ADGRB3: variants seen among roughly 807,000 people sequenced by gnomAD.
The protein encoded by ADGRB3 is brain-specific angiogenesis inhibitor 3.
ADGRB3 carries 37 observed loss-of-function variants against 193.4 expected under a neutral mutation model. The observed-to-expected ratio is 0.19, with a 90% CI of 0.15 to 0.25. ADGRB3 has a LOEUF of 0.25. ADGRB3 is among the 10% of genes least tolerant of loss of function. ADGRB3 has a pLI of 1.00. For synonymous variants in ADGRB3, 690 were observed against 644.2 expected (o/e 1.07, Z -1.08); for missense variants, 1,637 against 1,852.9 (o/e 0.88, Z 2.14).
chr6:68,675,145 C>A (rs189063574), intron 3 of ADGRB3, among the ~76,000 whole-genome samples: 1 of 152,252 alleles, frequency 6.6e-6, no homozygotes, highest in Non-Finnish European at 1.5e-5. Flanking sequence ...GTAATATTTT[C>A]TTCTGAACTC....
At chr6:69,039,742 CTTTT>C (rs34543678) in intron 13 of ADGRB3, among the ~76,000 whole-genome samples, 5 of 130,230 alleles carry the variant, frequency 3.8e-5, no homozygotes, top group South Asian at 2.4e-4. Flanking sequence ...TTGTTTTTTT[CTTTT>C]TTTTTTTTTT....
At chr6:68,670,181 G>A (rs562489562) in intron 3 of ADGRB3, among the ~76,000 whole-genome samples, 3 of 151,968 alleles carry the variant, frequency 2.0e-5, no homozygotes. Flanking sequence ...TCCCTTGTCA[G>A]ATGGGTAGTT....
intron 3 of ADGRB3, among the ~76,000 whole-genome samples, chr6:68,826,129 A>T (rs1248687831): frequency 4.6e-5 from 7 of 152,232 alleles, no homozygotes; most frequent in African/African-American, 1.7e-4. Context: ...AGCGAAACAG[A>T]CAAAACCTCC....
intron 3 of ADGRB3, among the ~76,000 whole-genome samples, chr6:68,755,526 G>A (rs1258466049): frequency 1.3e-5 from 2 of 152,140 alleles, no homozygotes; most frequent in East Asian, 1.9e-4. Context: ...GCCACCTGTC[G>A]AGAATGAAGT....
intron 3 of ADGRB3, among the ~76,000 whole-genome samples, chr6:68,736,414 T>C (rs1256635762): frequency 3.9e-5 from 6 of 152,308 alleles, no homozygotes; most frequent in Middle Eastern, 3.4e-3. Flanking sequence ...ACTCTACTTA[T>C]CTGCAATTGC....
intron 3 of ADGRB3, among the ~76,000 whole-genome samples, chr6:68,674,861 C>T (rs985041065): frequency 3.3e-5 from 5 of 152,262 alleles, no homozygotes; most frequent in South Asian, 4.1e-4. Flanking sequence ...AGTTCCAAAT[C>T]GTATGTTTTT....
At chr6:69,094,598 T>C (rs188837607) in intron 17 of ADGRB3, among the ~76,000 whole-genome samples, 2 of 152,332 alleles carry the variant, frequency 1.3e-5, no homozygotes, top group Admixed American at 6.5e-5. Context: ...GTGTTTACAA[T>C]TGTAGTTATC....
intron 3 of ADGRB3, among the ~76,000 whole-genome samples, chr6:68,685,611 G>T (rs1014653331): frequency 6.6e-6 from 1 of 151,746 alleles, no homozygotes; most frequent in Admixed American, 6.6e-5. Flanking sequence ...GGAAGAAAGG[G>T]AATTAAAAAA....
chr6:69,027,778 G>A (rs1487991323), intron 13 of ADGRB3, among the ~76,000 whole-genome samples: 1 of 152,168 alleles, frequency 6.6e-6, no homozygotes, highest in African/African-American at 2.4e-5. Context: ...AGATATTTTA[G>A]TTGTTGATCT....
chr6:68,673,626 A>ACATGT (rs1769016696), intron 3 of ADGRB3, among the ~76,000 whole-genome samples: 1 of 152,122 alleles, frequency 6.6e-6, no homozygotes, highest in Non-Finnish European at 1.5e-5. Context: ...AACCTACATA[A>ACATGT]TTGTCACTGG....
At chr6:69,019,893 A>G (rs1361202144) in intron 13 of ADGRB3, among the ~76,000 whole-genome samples, 1 of 152,034 alleles carries the variant, frequency 6.6e-6, no homozygotes, top group East Asian at 1.9e-4. Flanking sequence ...TTAAATGTCC[A>G]TTATAAAAGT....
At chr6:69,066,612 G>A (rs1338675103) in intron 16 of ADGRB3, among the ~76,000 whole-genome samples, 1 of 152,074 alleles carries the variant, frequency 6.6e-6, no homozygotes, top group African/African-American at 2.4e-5. Flanking sequence ...AACCAGATTA[G>A]TCATTAATTA....
chr6:69,358,292 T>C (rs1467203373), intron 28 of ADGRB3, among the ~76,000 whole-genome samples: 1 of 151,892 alleles, frequency 6.6e-6, no homozygotes, highest in Non-Finnish European at 1.5e-5. Flanking sequence ...GGTTGGGGTA[T>C]AGGAACTAGT....
chr6:68,994,193 C>G (rs1769321386), intron 11 of ADGRB3, among the ~76,000 whole-genome samples: 2 of 152,054 alleles, frequency 1.3e-5, no homozygotes, highest in African/African-American at 4.8e-5. Context: ...TGAATGAGAA[C>G]CTGTATGAAG....
chr6:69,137,442 C>T (rs1774185542), intron 17 of ADGRB3, among the ~76,000 whole-genome samples: 1 of 151,748 alleles, frequency 6.6e-6, no homozygotes. Flanking sequence ...AAAAACAAAT[C>T]AATCAGAAGC....
rs117152496 is a variant in ADGRB3, at chr6:69,072,640, A to G, written c.2437-3355A>G. 8.2e-3 allele frequency among the ~76,000 whole-genome samples: 1,255 copies of G among 152,280 alleles called. 12 individuals are homozygous for G. Among genetic ancestry groups the G allele is most frequent in the Non-Finnish European group, 0.015 (1,044 of 68,010 alleles). On this transcript the variant is annotated intron_variant, in intron 16 of 31. Transcript: ENST00000370598. ...AGATTTAACTTAATCTACATTATAC[A>G]TCATTAAAATCAGCCAATTAGATTT...
Position 68,943,971 on chromosome 6 carries a change from C to T in ADGRB3, c.1172C>T (p.Pro391Leu). The T allele has an allele frequency of 1.2e-6, 2 of 1,610,452 alleles. No individual in the cohort carries two copies. The highest frequency in any genetic ancestry group is 1.7e-6 in the Non-Finnish European group (2 of 1,177,412). The change falls in exon 6 of 32, where the codon CCT (proline) becomes CTT (leucine). Residue 391 changes from proline (P) to leucine (L), a missense_variant. Transcript: ENST00000370598. ...PCEGPETHHK[P>L]CNIALCPVDG... ...GAAGGACCTGAAACACATCATAAGC[C>T]TTGTAATATTGCTCTTTGCCCAGGT...
intron 17 of ADGRB3, among the ~76,000 whole-genome samples, chr6:69,121,767 C>T (rs1773696837): frequency 6.7e-6 from 1 of 150,006 alleles, no homozygotes; most frequent in Non-Finnish European, 1.5e-5. Flanking sequence ...GCGCTCCTCA[C>T]CTCCCAAGAC....
At chr6:69,216,277 GCTTGGGGCCA>G (rs1765770769) in intron 17 of ADGRB3, among the ~76,000 whole-genome samples, 1 of 152,076 alleles carries the variant, frequency 6.6e-6, no homozygotes, top group African/African-American at 2.4e-5. Flanking sequence ...AAAGACTATT[GCTTGGGGCCA>G]CTTGCATTTG....
Sources: allele counts gnomAD v4.1 joint callset (sites outside exome capture counted in the v4.1 genomes callset), GRCh38; gene constraint gnomAD v4.1.1; transcripts MANE v1.5; gene names NCBI Gene and HGNC (gene_info 2026-07-23, HGNC 2026-07-21).